The following RBFOX1 variants were observed in gnomAD, a reference collection of about 807,000 sequenced individuals.
RBFOX1 encodes RNA binding protein fox-1 homolog 1.
RBFOX1 carries 8 observed loss-of-function variants against 57.7 expected under a neutral mutation model. That is an observed-to-expected ratio of 0.14 (90% CI 0.08 to 0.25). The LOEUF is 0.25. RBFOX1 is among the 10% of genes least tolerant of loss of function. The pLI is 1.00. For missense variants in RBFOX1, 611 were observed against 548.5 expected (o/e 1.11, Z -1.14); for synonymous variants, 326 against 222.4 (o/e 1.47, Z -4.15).
rs1454756363 is a variant in RBFOX1, at chr16:6,680,272, CTCTTTTTTT to C, written c.-16+25624_-16+25632del. On this transcript the variant is annotated intron_variant, in intron 3 of 15. Transcript: ENST00000550418. ...CTGTCTTTGCTTTGCTTTTCTCTCT[CTCTTTTTTT>C]TTTTTTTTTTTTTATTTGTCGCCCA... Among the ~76,000 whole-genome samples the C allele has an allele frequency of 2.8e-4, 31 of 109,358 alleles. No homozygotes were observed. The East Asian group carries it at 6.8e-3, about 24-fold the overall frequency. 71.7% of individuals were successfully genotyped at this position (109,358 alleles called of 152,430 possible).
chr16:6,004,490 A>G (rs1559417), intron 4 of RBFOX1, among the ~76,000 whole-genome samples: 10,341 of 152,290 alleles, frequency 0.068, 704 homozygotes, highest in East Asian at 0.36. Flanking sequence ...GCCTGATGCA[A>G]TACTTGGCAT....
At chr16:7,529,186 G>C (rs1049154081) in intron 5 of RBFOX1, among the ~76,000 whole-genome samples, 2 of 152,058 alleles carry the variant, frequency 1.3e-5, no homozygotes, top group African/African-American at 2.4e-5. Flanking sequence ...GCTTGAACCT[G>C]GGAGGCGGAG....
chr16:6,884,673 G>C (rs1019035507), intron 3 of RBFOX1, among the ~76,000 whole-genome samples: 21 of 152,234 alleles, frequency 1.4e-4, no homozygotes, highest in Admixed American at 1.4e-3. Flanking sequence ...CTGAGGTGGT[G>C]GATCACTTGA....
At chr16:6,663,765 G>A (rs77897635) in intron 3 of RBFOX1, among the ~76,000 whole-genome samples, 1,867 of 152,314 alleles carry the variant, frequency 0.012, 15 homozygotes, top group Non-Finnish European at 0.02. Context: ...GAAAATTAGA[G>A]CATCCCTGAG....
At chr16:6,930,094 C>T (rs1326187309) in intron 3 of RBFOX1, among the ~76,000 whole-genome samples, 1 of 152,182 alleles carries the variant, frequency 6.6e-6, no homozygotes, top group Non-Finnish European at 1.5e-5. Flanking sequence ...TTTACTCGGC[C>T]TGCTCTTGAA....
At chr16:5,431,784 A>G (rs1444453700) in intron 1 of RBFOX1, among the ~76,000 whole-genome samples, 1 of 152,222 alleles carries the variant, frequency 6.6e-6, no homozygotes, top group East Asian at 1.9e-4. Context: ...CTTATGCTGC[A>G]GGAAGCCTGG....
intron 1 of RBFOX1, among the ~76,000 whole-genome samples, chr16:5,399,113 G>A (rs1466556805): frequency 6.6e-6 from 1 of 152,206 alleles, no homozygotes. Context: ...TATTCTCAGA[G>A]GACTAATAGG....
intron 14 of RBFOX1, among the ~76,000 whole-genome samples, chr16:7,680,879 T>C (rs975095347): frequency 2.6e-5 from 4 of 152,078 alleles, no homozygotes; most frequent in Non-Finnish European, 5.9e-5. Flanking sequence ...TGCCATATTA[T>C]CTTCCTCTCT....
chr16:6,669,144 G>C (rs1025026394), intron 3 of RBFOX1, among the ~76,000 whole-genome samples: 2 of 152,136 alleles, frequency 1.3e-5, no homozygotes, highest in African/African-American at 4.8e-5. Flanking sequence ...TGTTGATCAA[G>C]GTCAGAAAAC....
At chr16:5,760,476 C>G (rs140963689) in intron 3 of RBFOX1, among the ~76,000 whole-genome samples, 6 of 152,240 alleles carry the variant, frequency 3.9e-5, no homozygotes, top group Non-Finnish European at 8.8e-5. Flanking sequence ...AGCAGCATTC[C>G]TCACAATAAT....
At chr16:7,696,048 A>G (rs1189519149) in intron 14 of RBFOX1, among the ~76,000 whole-genome samples, 4 of 152,166 alleles carry the variant, frequency 2.6e-5, no homozygotes, top group African/African-American at 9.7e-5. Flanking sequence ...AAGAAAAGCA[A>G]TGCCTTTTAC....
intron 14 of RBFOX1, among the ~76,000 whole-genome samples, chr16:7,679,885 T>G (rs1024580372): frequency 2.0e-5 from 3 of 152,130 alleles, no homozygotes; most frequent in Non-Finnish European, 4.4e-5. Context: ...TATAGTCTCA[T>G]TGACAAATTT....
At chr16:7,308,096 A>C (rs149438711) in intron 4 of RBFOX1, among the ~76,000 whole-genome samples, 4 of 152,300 alleles carry the variant, frequency 2.6e-5, no homozygotes, top group African/African-American at 9.6e-5. Context: ...TTCCTGATAG[A>C]GAAGAAATAG....
At chr16:5,271,562 G>T (rs1367511798) in intron 1 of RBFOX1, among the ~76,000 whole-genome samples, 1 of 152,220 alleles carries the variant, frequency 6.6e-6, no homozygotes, top group Non-Finnish European at 1.5e-5. Flanking sequence ...CAAGCTTAAG[G>T]AGACCTGACT....
At chr16:5,279,131 A>C (rs2063210680) in intron 1 of RBFOX1, among the ~76,000 whole-genome samples, 1 of 151,456 alleles carries the variant, frequency 6.6e-6, no homozygotes. Flanking sequence ...TGAAGAATAT[A>C]ATTGATAGGG....
At chr16:6,847,599 G>C (rs1380104698) in intron 3 of RBFOX1, among the ~76,000 whole-genome samples, 1 of 152,022 alleles carries the variant, frequency 6.6e-6, no homozygotes, top group East Asian at 1.9e-4. Context: ...ATGGCAAAGG[G>C]AGTGAATACA....
At chr16:7,457,856 C>T (rs1352673314) in intron 4 of RBFOX1, among the ~76,000 whole-genome samples, 1 of 152,114 alleles carries the variant, frequency 6.6e-6, no homozygotes, top group Non-Finnish European at 1.5e-5. Flanking sequence ...TCCACTTGGC[C>T]ACAGCAGCTT....
At chr16:5,450,396 G>A (rs1203383489) in intron 1 of RBFOX1, among the ~76,000 whole-genome samples, 2 of 152,194 alleles carry the variant, frequency 1.3e-5, no homozygotes, top group East Asian at 3.9e-4. Flanking sequence ...TTTGGCCTGG[G>A]CACATGCAGA....
chr16:5,538,631 T>G (rs993056663), intron 2 of RBFOX1, among the ~76,000 whole-genome samples: 36 of 151,788 alleles, frequency 2.4e-4, no homozygotes, highest in African/African-American at 7.7e-4. Context: ...TTTTTTTTTT[T>G]TTTGTTTTTT....
Sources: allele counts gnomAD v4.1 joint callset (sites outside exome capture counted in the v4.1 genomes callset), GRCh38; gene constraint gnomAD v4.1.1; transcripts MANE v1.5; gene names NCBI Gene and HGNC (gene_info 2026-07-23, HGNC 2026-07-21).